The following NR4A1 variants were observed in gnomAD, a reference collection of about 807,000 sequenced individuals.
NR4A1 encodes nuclear receptor subfamily 4 group A member 1, also known as nuclear receptor subfamily 4immunitygroup A member 1.
In NR4A1, 24 loss-of-function variants were observed where a neutral mutation model predicts 47.5. The ratio of observed to expected loss-of-function variants is 0.50; its 90% confidence interval spans 0.37 to 0.71. The LOEUF is 0.71. NR4A1 is among the 30% of genes least tolerant of loss of function. NR4A1 has a pLI of 0.00. For missense variants in NR4A1, 669 were observed against 788.6 expected (o/e 0.85, Z 1.82); for synonymous variants, 353 against 345.7 (o/e 1.02, Z -0.24).
chr12:52,043,222 T>G (rs1484217937), intron 2 of NR4A1, among the ~76,000 whole-genome samples: 2 of 152,066 alleles, frequency 1.3e-5, no homozygotes, highest in Non-Finnish European at 2.9e-5. Context: ...TGTTCTCTGG[T>G]CAGCTGGAGA....
chr12:52,056,234 T>C, intron 3 of NR4A1, 75 bp downstream of exon 3: 2 of 1,513,070 alleles, frequency 1.3e-6, no homozygotes, highest in Non-Finnish European at 1.8e-6. Context: ...CCCCCAGGCT[T>C]CTGCCCTGGA....
At chr12:52,042,736 G>A (rs1003330349) in intron 2 of NR4A1, among the ~76,000 whole-genome samples, 8 of 152,176 alleles carry the variant, frequency 5.3e-5, no homozygotes, top group Admixed American at 4.6e-4. Context: ...GGTGGAGGAC[G>A]GGAATGGGAT....
chr12:52,051,822 G>A (rs561420514), intron 1 of NR4A1, among the ~76,000 whole-genome samples: 1 of 152,096 alleles, frequency 6.6e-6, no homozygotes, highest in African/African-American at 2.4e-5. Flanking sequence ...GTAGGGACTT[G>A]TCCAGCAGGC....
At chr12:52,047,538 C>A (rs373931913), upstream of NR4A1, among the ~76,000 whole-genome samples, 185 of 152,322 alleles carry the variant, frequency 1.2e-3, no homozygotes, top group African/African-American at 4.1e-3. Flanking sequence ...TGTTGAGCAC[C>A]CCCACCATCT....
At chr12:52,026,321 A>C (rs938397253) in intron 1 of NR4A1, among the ~76,000 whole-genome samples, 4 of 152,280 alleles carry the variant, frequency 2.6e-5, no homozygotes, top group African/African-American at 7.2e-5. Context: ...AGGCTAAATG[A>C]AGGTGGGAAT....
chr12:52,037,168 G>C (rs1424181071), intron 1 of NR4A1: 2 of 149,878 alleles, frequency 1.3e-5, no homozygotes. Flanking sequence ...GACAGCGCGC[G>C]GGCGGCCGCG....
Position 52,054,234 on chromosome 12 carries a change from C to T in NR4A1, c.-2-93C>T, listed in dbSNP as rs1462388737. ...ATCTTTAGGCTGGGATTCCTGCCAC[C>T]TTGCTGCTCTGGGGCCCAAATACTT... On this transcript the variant is annotated intron_variant, in intron 1 of 6. Transcript: ENST00000394825. The T allele has an allele frequency of 3.6e-6, 4 of 1,116,272 alleles. No homozygotes were observed. In the East Asian group the frequency reaches 7.7e-5, roughly 22 times the overall value. 69.1% of individuals were successfully genotyped at this position (1,116,272 alleles called of 1,614,324 possible).
Position 52,041,363 on chromosome 12 carries a change from G to T in NR4A1, c.-83-447G>T, listed in dbSNP as rs532464567. Among the ~76,000 whole-genome samples the T allele has an allele frequency of 4.3e-3, 656 of 152,252 alleles. 5 individuals carry two copies. Among genetic ancestry groups the T allele is most frequent in the African/African-American group, 0.014 (572 of 41,542 alleles). ...TCCCACATCCACTCTACTCTAAGTT[G>T]AGTGGAGCCCCTGTCTCTTGGGGGC... On this transcript the variant is annotated intron_variant, in intron 1 of 7. Transcript: ENST00000360284.
At chr12:52,052,306 A>T (rs868217203) in intron 1 of NR4A1, among the ~76,000 whole-genome samples, 2,468 of 113,684 alleles carry the variant, frequency 0.022, 51 homozygotes, top group African/African-American at 0.099. Flanking sequence ...TGTGTGTGTG[A>T]GAGAGAGAGA....
chr12:52,037,566 C>CG (rs144600069), intron 1 of NR4A1: 88,117 of 917,978 alleles, frequency 0.096, 2,178 homozygotes, highest in African/African-American at 0.16. Flanking sequence ...ACTGGGGAGT[C>CG]GGGGGGGGGA....
intron 1 of NR4A1, among the ~76,000 whole-genome samples, chr12:52,024,617 C>T (rs1937967387): frequency 6.6e-6 from 1 of 152,124 alleles, no homozygotes; most frequent in Admixed American, 6.5e-5. Context: ...TCCTGGAGTT[C>T]CAGGCTGCAG....
At chr12:52,031,786 T>A (rs1437757151) in intron 1 of NR4A1, among the ~76,000 whole-genome samples, 1 of 149,790 alleles carries the variant, frequency 6.7e-6, no homozygotes, top group Non-Finnish European at 1.5e-5. Context: ...TAATTTTTTT[T>A]TTTTTTTTTT....
chr12:52,035,628 A>C (rs542010627), intron 1 of NR4A1, among the ~76,000 whole-genome samples: 1 of 152,288 alleles, frequency 6.6e-6, no homozygotes, highest in Non-Finnish European at 1.5e-5. Context: ...TTGAAGCCTC[A>C]GTTTCTTTAT....
At position 52,057,427 on chromosome 12, in the gene NR4A1, C is replaced by T. The variant is rs756988396; in HGVS notation, c.1437C>T (p.Phe479=). The change falls in exon 6 of 7, where the codon TTC becomes TTT. Residue 479 remains phenylalanine (F), a synonymous_variant. Coordinates refer to ENST00000394825, the MANE Select transcript of NR4A1 (RefSeq NM_173157.3). ...ACCGGCTGCAGTGTGCCCGTGGCTTCGGGGACTGGATTGACAGTATCCTGG... is the reference window on the plus strand; with the variant it reads ...ACCGGCTGCAGTGTGCCCGTGGCTTTGGGGACTGGATTGACAGTATCCTGG... ...VLHRLQCARG[F]GDWIDSILAF... The T allele has an allele frequency of 1.4e-5, 22 of 1,614,124 alleles. No homozygotes were observed. The highest frequency in any genetic ancestry group is 1.6e-4 in the Middle Eastern group (1 of 6,084).
intron 1 of NR4A1, among the ~76,000 whole-genome samples, chr12:52,030,716 ACCACACCTGG>A (rs1938105643): frequency 6.6e-6 from 1 of 152,132 alleles, no homozygotes; most frequent in Admixed American, 6.5e-5. Context: ...GGCGCGAGCC[ACCACACCTGG>A]CCTACTTAAC....
chr12:52,026,547 T>C (rs766924905), intron 1 of NR4A1, among the ~76,000 whole-genome samples: 3 of 152,098 alleles, frequency 2.0e-5, no homozygotes, highest in Non-Finnish European at 4.4e-5. Context: ...GTCATATCGC[T>C]GTCCCGTTCT....
Position 52,026,524 on chromosome 12 carries a change from C to G in NR4A1, c.-84+3585C>G, listed in dbSNP as rs934277745. ...AAAACTCACTGGATCCTCACAACAA[C>G]TCAGGGAGGTAGGTCATATCGCTGT... is the stretch of plus-strand genomic sequence containing the variant. On this transcript the variant is annotated intron_variant, in intron 1 of 7. Transcript: ENST00000360284. 2.0e-5 allele frequency among the ~76,000 whole-genome samples: 3 copies of G among 152,190 alleles called. No homozygotes were observed. In the South Asian group the frequency reaches 6.2e-4, roughly 32 times the overall value.
intron 1 of NR4A1, chr12:52,037,248 G>A: frequency 2.2e-6 from 1 of 457,934 alleles, no homozygotes; most frequent in Admixed American, 6.5e-5. Flanking sequence ...GGGGGGCGCT[G>A]AGCGGCTGCG....
chr12:52,059,115 A>T lies in NR4A1; in HGVS notation c.*171A>T, dbSNP rs568310291. 64 of 816,936 alleles carry T rather than the reference A, an allele frequency of 7.8e-5. 1 individual carries two copies. The South Asian group carries it at 1.1e-3, about 14-fold the overall frequency. The allele number at this position is 816,936 out of a possible 1,614,324, so 50.6% of individuals were successfully genotyped here. A position where few individuals can be genotyped will look rare whatever the true frequency, so the allele number is the denominator to read the frequency against. On this transcript the variant is annotated 3_prime_UTR_variant, in exon 7 of 7. Transcript: ENST00000394825. ...GGAGCTCAAGCCCTTGGGGAGGGGG[A>T]TGCCTTCATGGGGGTGACCCCACGA... is the stretch of plus-strand genomic sequence containing the variant.
Sources: allele counts gnomAD v4.1 joint callset (sites outside exome capture counted in the v4.1 genomes callset), GRCh38; gene constraint gnomAD v4.1.1; transcripts MANE v1.5; gene names NCBI Gene and HGNC (gene_info 2026-07-23, HGNC 2026-07-21).